FBXO16: variants seen among roughly 807,000 people sequenced by gnomAD.
FBXO16 encodes F-box protein 16, also known as F-box only protein 16.
A neutral mutation model predicts 41.0 loss-of-function variants in FBXO16; 31 were observed. The ratio of observed to expected loss-of-function variants is 0.76; its 90% CI spans 0.57 to 1.02. The LOEUF (loss-of-function observed/expected upper bound fraction) is 1.02. Among genes scored for constraint, FBXO16 ranks in the 50% least tolerant of loss-of-function variants. The pLI is 0.00. For missense variants in FBXO16, 361 were observed against 346.2 expected (o/e 1.04, Z -0.34); for synonymous variants, 133 against 117.8 (o/e 1.13, Z -0.84).
chr8:28,442,157 C>A (rs1276439884), intron 7 of FBXO16, among the ~76,000 whole-genome samples: 3 of 151,950 alleles, frequency 2.0e-5, no homozygotes, highest in Non-Finnish European at 4.4e-5. Flanking sequence ...CCAGGCCGGT[C>A]TCAAACTCCT....
chr8:28,474,895 T>G (rs1046117679), intron 2 of FBXO16, among the ~76,000 whole-genome samples: 1 of 152,196 alleles, frequency 6.6e-6, no homozygotes, highest in African/African-American at 2.4e-5. Context: ...ATATTGGTGT[T>G]GAGGTGGTTT....
At position 28,459,638 on chromosome 8, in the gene FBXO16, T is replaced by A. The variant is rs1485316075; in HGVS notation, c.343-2708A>T. Among the ~76,000 whole-genome samples the A allele has an allele frequency of 9.7e-5, 14 of 143,820 alleles. 1 individual carries two copies. The highest frequency in any genetic ancestry group is 3.1e-4 in the African/African-American group (12 of 39,314). The allele number at this position is 143,820 out of a possible 152,430, so 94.4% of individuals were successfully genotyped here. Reference sequence around the variant, plus strand: ...CCTGTCTCAAAAATAATAATAATAATAATAATAATAATAATAATAATAATA... The same window carrying A: ...CCTGTCTCAAAAATAATAATAATAAAAATAATAATAATAATAATAATAATA... On this transcript the variant is annotated intron_variant, in intron 4 of 8. Transcript: ENST00000380254.
At chr8:28,466,610 T>C (rs1585911864) in intron 3 of FBXO16, among the ~76,000 whole-genome samples, 1 of 143,940 alleles carries the variant, frequency 6.9e-6, no homozygotes, top group African/African-American at 2.6e-5. Flanking sequence ...GCTGACACGG[T>C]GAAAACCCAT....
intron 3 of FBXO16, among the ~76,000 whole-genome samples, chr8:28,468,480 G>C (rs1803280755): frequency 6.6e-6 from 1 of 152,110 alleles, no homozygotes; most frequent in South Asian, 2.1e-4. Context: ...TTGAGTTTCT[G>C]AGTCCTATTA....
chr8:28,429,159 A>T (rs1471977711), intron 8 of FBXO16, among the ~76,000 whole-genome samples: 2 of 152,238 alleles, frequency 1.3e-5, no homozygotes, highest in Non-Finnish European at 2.9e-5. Flanking sequence ...AATATTTTTT[A>T]AAATAGATAT....
chr8:28,461,268 T>A (rs1194060749), intron 4 of FBXO16, among the ~76,000 whole-genome samples: 2 of 152,146 alleles, frequency 1.3e-5, no homozygotes, highest in Non-Finnish European at 2.9e-5. Context: ...TTCCAAGCAC[T>A]GGAACTGCTG....
chr8:28,433,712 C>G (rs1302129105), intron 7 of FBXO16, among the ~76,000 whole-genome samples: 1 of 152,196 alleles, frequency 6.6e-6, no homozygotes, highest in Non-Finnish European at 1.5e-5. Flanking sequence ...TCTTTCTCAT[C>G]TCAGGGCAAT....
At chr8:28,453,594 A>G (rs1029819700) in intron 5 of FBXO16, among the ~76,000 whole-genome samples, 1 of 151,900 alleles carries the variant, frequency 6.6e-6, no homozygotes, top group Non-Finnish European at 1.5e-5. Context: ...ATTTTTGTTA[A>G]TTAAGAGATT....
At chr8:28,452,694 G>A (rs534212467) in intron 5 of FBXO16, among the ~76,000 whole-genome samples, 8 of 152,112 alleles carry the variant, frequency 5.3e-5, no homozygotes, top group Middle Eastern at 6.8e-3. Flanking sequence ...CCAGCTATTC[G>A]TGAGGCTGAG....
intron 7 of FBXO16, among the ~76,000 whole-genome samples, chr8:28,441,637 G>A (rs1013197307): frequency 2.0e-5 from 3 of 151,234 alleles, no homozygotes; most frequent in Non-Finnish European, 4.4e-5. Context: ...TCAGGAGGCT[G>A]AGGCAGGAGA....
chr8:28,451,847 C>T (rs956530691), intron 6 of FBXO16, among the ~76,000 whole-genome samples: 2 of 151,786 alleles, frequency 1.3e-5, no homozygotes, highest in African/African-American at 4.8e-5. Context: ...AGCTGGGCAT[C>T]GTGGCGGTCG....
intron 7 of FBXO16, among the ~76,000 whole-genome samples, chr8:28,439,968 TA>T (rs1320841002): frequency 2.1e-5 from 2 of 94,138 alleles, no homozygotes; most frequent in Non-Finnish European, 4.0e-5. Flanking sequence ...TTCATGAATG[TA>T]ACGGATTTTT....
Position 28,454,767 on chromosome 8 carries a change from T to G in FBXO16, c.507+1999A>C, listed in dbSNP as rs146241113. 6.7e-3 allele frequency among the ~76,000 whole-genome samples: 986 copies of G among 147,438 alleles called. 29 individuals carry two copies. Among genetic ancestry groups the G allele is most frequent in the African/African-American group, 0.024 (948 of 39,122 alleles). On this transcript the variant is annotated intron_variant, in intron 5 of 8. Transcript: ENST00000380254. ...AAAAAAAAAAGGATCATTAATTCTA[T>G]ATAGTACAAAATGCTTACACTTTAA...
chr8:28,451,112 A>T (rs778638343), intron 6 of FBXO16, among the ~76,000 whole-genome samples: 2 of 152,076 alleles, frequency 1.3e-5, no homozygotes, highest in Admixed American at 6.6e-5. Context: ...ACTCACCCAG[A>T]CTTCTTTCAA....
chr8:28,477,236 A>G (rs1437773519), intron 2 of FBXO16, among the ~76,000 whole-genome samples: 1 of 152,220 alleles, frequency 6.6e-6, no homozygotes, highest in Non-Finnish European at 1.5e-5. Context: ...TTTACTACAG[A>G]ATAGAAGAAA....
chr8:28,437,404 T>C (rs1802702733), intron 7 of FBXO16, among the ~76,000 whole-genome samples: 1 of 152,220 alleles, frequency 6.6e-6, no homozygotes. Context: ...CGGGCTCACC[T>C]GAGAGTTGAT....
chr8:28,485,357 G>A (rs538812776), intron 1 of FBXO16, among the ~76,000 whole-genome samples: 77 of 152,184 alleles, frequency 5.1e-4, no homozygotes, highest in Admixed American at 1.4e-3. Context: ...ATTTTTAGTA[G>A]AGATGGGGTT....
intron 7 of FBXO16, among the ~76,000 whole-genome samples, chr8:28,434,475 G>A (rs1028187299): frequency 6.6e-6 from 1 of 152,202 alleles, no homozygotes; most frequent in African/African-American, 2.4e-5. Context: ...ACCAATGACA[G>A]TAATAACTGC....
At chr8:28,433,020 C>CACT (rs1802631703) in intron 7 of FBXO16, among the ~76,000 whole-genome samples, 1 of 151,276 alleles carries the variant, frequency 6.6e-6, no homozygotes, top group Non-Finnish European at 1.5e-5. Context: ...GAGATTGCAC[C>CACT]ACTGCACTCC....
Sources: allele counts gnomAD v4.1 joint callset (sites outside exome capture counted in the v4.1 genomes callset), GRCh38; gene constraint gnomAD v4.1.1; transcripts MANE v1.5; gene names NCBI Gene and HGNC (gene_info 2026-07-23, HGNC 2026-07-21).